RORB: variants seen among roughly 807,000 people sequenced by gnomAD.
RORB encodes the protein RAR related orphan receptor B.
A neutral mutation model predicts 59.1 loss-of-function variants in RORB; 6 were observed. The observed-to-expected ratio is 0.10, with a 90% CI of 0.06 to 0.20. The LOEUF is 0.20. RORB is among the 10% of genes least tolerant of loss of function. The probability of loss-of-function intolerance (pLI) is 1.00; values close to 1 mark genes in which losing one functional copy is unlikely to be tolerated. For missense variants in RORB, 320 were observed against 560.5 expected (o/e 0.57, Z 4.33); for synonymous variants, 215 against 204.5 (o/e 1.05, Z -0.44).
chr9:74,565,743 G>C (rs982965253), intron 1 of RORB, among the ~76,000 whole-genome samples: 2 of 151,886 alleles, frequency 1.3e-5, no homozygotes, highest in African/African-American at 4.8e-5. Flanking sequence ...CTTGTGTGTT[G>C]GCAAAATAAA....
At chr9:74,665,637 A>G in intron 7 of RORB, 42 bp downstream of exon 7, 1 of 1,231,138 alleles carries the variant, frequency 8.1e-7, no homozygotes, top group South Asian at 1.2e-5. Context: ...ATTAGCCACC[A>G]TCAGTTTCTC....
chr9:74,500,015 C>G (rs1287340301), intron 1 of RORB, among the ~76,000 whole-genome samples: 1 of 152,180 alleles, frequency 6.6e-6, no homozygotes. Context: ...TGGTTCGCCA[C>G]GGCGGTCGCT....
At chr9:74,505,467 A>G (rs1273394588) in intron 1 of RORB, among the ~76,000 whole-genome samples, 1 of 152,130 alleles carries the variant, frequency 6.6e-6, no homozygotes, top group Admixed American at 6.5e-5. Context: ...ATATTTATTT[A>G]TTAAAGATTT....
At chr9:74,654,566 C>T (rs1280403143) in intron 4 of RORB, among the ~76,000 whole-genome samples, 2 of 152,092 alleles carry the variant, frequency 1.3e-5, no homozygotes, top group African/African-American at 4.8e-5. Context: ...GTAAAGATTA[C>T]CCTTAAGACT....
chr9:74,499,441 G>A (rs1000810538), intron 1 of RORB, among the ~76,000 whole-genome samples: 4 of 152,176 alleles, frequency 2.6e-5, no homozygotes, highest in Admixed American at 6.5e-5. Flanking sequence ...GGATGTGTCA[G>A]GAAAGGGAAG....
chr9:74,592,766 T>C (rs1169322057), intron 1 of RORB, among the ~76,000 whole-genome samples: 1 of 152,090 alleles, frequency 6.6e-6, no homozygotes, highest in Non-Finnish European at 1.5e-5. Context: ...AAACAGTCCA[T>C]AGAAATGGCA....
chr9:74,570,890 T>C lies in RORB; in HGVS notation c.8-59392T>C, dbSNP rs149132713. On this transcript the variant is annotated intron_variant, in intron 1 of 9. Transcript: ENST00000376896. ...TTAAAAGGATATTACTTTTACATTT[T>C]ATTATTAATATTTTTTAAAGTAAAC... Among the ~76,000 whole-genome samples the C allele has an allele frequency of 1.3e-3, 194 of 152,066 alleles. 3 individuals carry two copies. The highest frequency in any genetic ancestry group is 4.4e-3 in the African/African-American group (182 of 41,554).
chr9:74,660,633 C>T lies in RORB; in HGVS notation c.654C>T (p.Asn218=). Residue 218 remains asparagine, a synonymous_variant, in exon 5 of 10, where the codon AAC becomes AAT. Coordinates refer to ENST00000376896, the MANE Select transcript of RORB (RefSeq NM_006914.4). ...TTCTCACAGACCGAATTGCACAGAA[C>T]ATCATTAAGTCCCATTTGGAGACAT... ...TMTEIDRIAQ[N]IIKSHLETCQ... is the part of the protein sequence containing the mutation. The T allele has an allele frequency of 6.2e-7, 1 of 1,612,774 alleles. No individual in the cohort carries two copies. The highest frequency in any genetic ancestry group is 8.5e-7 in the Non-Finnish European group (1 of 1,179,564).
At chr9:74,598,117 A>G (rs1034252437) in intron 1 of RORB, among the ~76,000 whole-genome samples, 24 of 152,034 alleles carry the variant, frequency 1.6e-4, no homozygotes, top group African/African-American at 5.3e-4. Context: ...TTTGCATTAT[A>G]TTTGTATTGG....
intron 1 of RORB, among the ~76,000 whole-genome samples, chr9:74,521,187 G>A (rs192920083): frequency 3.5e-4 from 53 of 151,910 alleles, no homozygotes; most frequent in Non-Finnish European, 6.2e-4. Context: ...TTTCACTTAA[G>A]GGTCTAATCG....
intron 4 of RORB, among the ~76,000 whole-genome samples, chr9:74,649,609 G>T (rs561818126): frequency 1.2e-4 from 19 of 152,216 alleles, no homozygotes; most frequent in Admixed American, 3.3e-4. Flanking sequence ...CGCAAAGATG[G>T]TCTACAATCA....
At chr9:74,657,108 C>G (rs1249639172) in intron 4 of RORB, among the ~76,000 whole-genome samples, 1 of 152,164 alleles carries the variant, frequency 6.6e-6, no homozygotes, top group East Asian at 1.9e-4. Context: ...TGCAGTGGCC[C>G]GATCTCAGCT....
chr9:74,623,924 C>T (rs1345472793), intron 1 of RORB, among the ~76,000 whole-genome samples: 4 of 152,152 alleles, frequency 2.6e-5, no homozygotes, highest in African/African-American at 9.7e-5. Context: ...ACTTTGTTTA[C>T]AAGGGGAATA....
In RORB at chr9:74,497,724, C is replaced by T; in HGVS notation, c.-253C>T. ...GACAGCCAGAACATTTTTTTTTCAC[C>T]CTTCCTGAAAACAAACAAACAAACA... On this transcript the variant is annotated 5_prime_UTR_variant, in exon 1 of 10. Coordinates refer to ENST00000376896, the MANE Select transcript of RORB (RefSeq NM_006914.4). The T allele has an allele frequency of 1.0e-5, 5 of 493,298 alleles. No homozygotes were observed. The highest frequency in any genetic ancestry group is 1.8e-5 in the Non-Finnish European group (5 of 276,368). The allele number at this position is 493,298 out of a possible 1,614,324, so 30.6% of individuals were successfully genotyped here.
intron 1 of RORB, among the ~76,000 whole-genome samples, chr9:74,532,780 G>A (rs1321579371): frequency 6.8e-6 from 1 of 146,852 alleles, no homozygotes; most frequent in African/African-American, 2.5e-5. Context: ...ATGTGTATGT[G>A]TGTATATATA....
rs1824638991 is a variant in RORB at position 74,686,134 on chromosome 9, A to C, written c.*516A>C. 6.5e-6 allele frequency: 1 copy of C among 152,676 alleles called. No individual in the cohort carries two copies. Among genetic ancestry groups the C allele is most frequent in the Non-Finnish European group, 1.5e-5 (1 of 68,066 alleles). 9.5% of individuals were successfully genotyped at this position (152,676 alleles called of 1,614,324 possible). On this transcript the variant is annotated 3_prime_UTR_variant, in exon 10 of 10. Transcript: ENST00000376896. Reference sequence around the variant, plus strand: ...AGAATATTATATATGACTATTACTTATACATGCACATGCACTGTGGCTTAA... The same window carrying C: ...AGAATATTATATATGACTATTACTTCTACATGCACATGCACTGTGGCTTAA...
At chr9:74,569,398 T>G (rs1298913780) in intron 1 of RORB, among the ~76,000 whole-genome samples, 1 of 152,116 alleles carries the variant, frequency 6.6e-6, no homozygotes, top group Non-Finnish European at 1.5e-5. Flanking sequence ...ATAGGCAGGT[T>G]TATTTATAAA....
intron 1 of RORB, among the ~76,000 whole-genome samples, chr9:74,522,255 T>C (rs988926412): frequency 6.6e-6 from 1 of 151,826 alleles, no homozygotes; most frequent in Non-Finnish European, 1.5e-5. Context: ...AATTGCATTG[T>C]GTTGAACTTA....
chr9:74,613,293 T>C (rs1418821523), intron 1 of RORB, among the ~76,000 whole-genome samples: 7 of 152,174 alleles, frequency 4.6e-5, no homozygotes, highest in African/African-American at 1.2e-4. Context: ...AGTTAAGTAA[T>C]TTACCCAAGA....
Sources: allele counts gnomAD v4.1 joint callset (sites outside exome capture counted in the v4.1 genomes callset), GRCh38; gene constraint gnomAD v4.1.1; transcripts MANE v1.5; gene names NCBI Gene and HGNC (gene_info 2026-07-23, HGNC 2026-07-21).